TTC17: variants seen among roughly 807,000 people sequenced by gnomAD.
The protein encoded by TTC17 is tetratricopeptide repeat protein 17.
Under a neutral mutation model 143.8 loss-of-function variants are expected in TTC17, and 58 were observed. The ratio of observed to expected loss-of-function variants is 0.40; its 90% CI spans 0.33 to 0.50. The LOEUF (loss-of-function observed/expected upper bound fraction) is 0.50, where lower values mean the gene tolerates loss of function less well. Among genes scored for constraint, TTC17 ranks in the 20% least tolerant of loss-of-function variants. TTC17 has a pLI of 0.49. For missense variants in TTC17, 1,273 were observed against 1,392.5 expected (o/e 0.91, Z 1.37); for synonymous variants, 501 against 497.8 (o/e 1.01, Z -0.09).
In TTC17 at chr11:43,447,988, T is replaced by A; in HGVS notation, c.2666-14T>A. On this transcript the variant is annotated splice_polypyrimidine_tract_variant and intron_variant, in intron 18 of 23. Coordinates refer to ENST00000039989, the MANE Select transcript of TTC17 (RefSeq NM_018259.6). ...TTTGCAATTGTGTGGATTCATGGCA[T>A]ACTTTCCTTCCAGGAAAAAAACGTG... 6.2e-7 allele frequency: 1 copy of A among 1,613,218 alleles called. No individual in the cohort carries two copies.
chr11:43,415,733 ATAGAGTG>A (rs1946763674), intron 16 of TTC17, among the ~76,000 whole-genome samples: 1 of 152,192 alleles, frequency 6.6e-6, no homozygotes, highest in African/African-American at 2.4e-5. Flanking sequence ...TACAATTTTA[ATAGAGTG>A]ATAGACGGTA....
chr11:43,375,530 GA>G (rs1856730246), intron 1 of TTC17, among the ~76,000 whole-genome samples: 1 of 151,898 alleles, frequency 6.6e-6, no homozygotes, highest in African/African-American at 2.4e-5. Flanking sequence ...AACTTAAGGG[GA>G]AAAATTTTAA....
At chr11:43,396,102 A>G (rs762070990) in intron 5 of TTC17, 2 of 152,134 alleles carry the variant, frequency 1.3e-5, no homozygotes, top group African/African-American at 2.4e-5. Flanking sequence ...AATATTCAGT[A>G]AGTATTGGCT....
chr11:43,472,929 C>T (rs1448015791), intron 21 of TTC17, among the ~76,000 whole-genome samples: 1 of 151,546 alleles, frequency 6.6e-6, no homozygotes. Flanking sequence ...AATCCCAGCA[C>T]TTTGGGAGGC....
At chr11:43,471,897 G>C (rs1341274237) in intron 21 of TTC17, among the ~76,000 whole-genome samples, 4 of 152,104 alleles carry the variant, frequency 2.6e-5, no homozygotes, top group Non-Finnish European at 1.5e-5. Flanking sequence ...AAGGCAAATA[G>C]TAAAATGACA....
chr11:43,438,240 C>G (rs920225093), intron 16 of TTC17, among the ~76,000 whole-genome samples: 1 of 152,172 alleles, frequency 6.6e-6, no homozygotes, highest in Non-Finnish European at 1.5e-5. Context: ...TCACTGCAAC[C>G]TCCACTTCCC....
At chr11:43,379,444 A>C (rs931880053) in intron 2 of TTC17, 122 bp downstream of exon 2, 3 of 749,500 alleles carry the variant, frequency 4.0e-6, no homozygotes, top group Non-Finnish European at 6.5e-6. Context: ...TTTTGCGGGA[A>C]TATACTACCT....
chr11:43,474,406 A>C (rs1106640), intron 21 of TTC17, among the ~76,000 whole-genome samples: 1 of 152,236 alleles, frequency 6.6e-6, no homozygotes, highest in Non-Finnish European at 1.5e-5. Flanking sequence ...ATGGTTTTCC[A>C]TAGAGGAAAG....
At chr11:43,392,787 A>G (rs1302175940) in intron 5 of TTC17, among the ~76,000 whole-genome samples, 1 of 152,204 alleles carries the variant, frequency 6.6e-6, no homozygotes, top group Non-Finnish European at 1.5e-5. Context: ...CCTTCAGAGA[A>G]TGGTTAGTTG....
intron 21 of TTC17, among the ~76,000 whole-genome samples, chr11:43,476,116 A>G (rs1948179994): frequency 6.6e-6 from 1 of 152,206 alleles, no homozygotes; most frequent in Non-Finnish European, 1.5e-5. Context: ...TTTAGCTTCC[A>G]TTTTAGTGGA....
At chr11:43,375,572 A>G (rs1023671592) in intron 1 of TTC17, among the ~76,000 whole-genome samples, 5 of 152,148 alleles carry the variant, frequency 3.3e-5, no homozygotes, top group African/African-American at 1.2e-4. Flanking sequence ...GATTATATTC[A>G]TCAGTTTCCA....
intron 16 of TTC17, among the ~76,000 whole-genome samples, chr11:43,420,574 T>G (rs527635227): frequency 6.6e-6 from 1 of 152,332 alleles, no homozygotes; most frequent in Non-Finnish European, 1.5e-5. Context: ...CCTGTACTTT[T>G]GTAGTATTAG....
intron 18 of TTC17, among the ~76,000 whole-genome samples, chr11:43,445,060 T>C (rs2134735947): frequency 6.6e-6 from 1 of 152,298 alleles, no homozygotes; most frequent in Admixed American, 6.5e-5. Context: ...ACAACATAAA[T>C]GTTGTAATTG....
intron 10 of TTC17, among the ~76,000 whole-genome samples, chr11:43,402,936 T>C (rs976350459): frequency 1.3e-5 from 2 of 152,002 alleles, no homozygotes; most frequent in African/African-American, 4.8e-5. Flanking sequence ...TCTGGAAAAA[T>C]CCAGACTGCA....
chr11:43,370,087 A>T (rs1301885290), intron 1 of TTC17: 1 of 455,602 alleles, frequency 2.2e-6, no homozygotes, highest in East Asian at 6.9e-5. Context: ...AGTTATAGCC[A>T]GGAGCCCATG....
At chr11:43,428,903 G>A (rs1947089284) in intron 16 of TTC17, among the ~76,000 whole-genome samples, 2 of 151,946 alleles carry the variant, frequency 1.3e-5, no homozygotes, top group African/African-American at 4.8e-5. Context: ...CTTTACTATG[G>A]TCTGTTTTCT....
intron 10 of TTC17, among the ~76,000 whole-genome samples, chr11:43,403,221 C>T (rs529800969): frequency 1.6e-4 from 24 of 152,160 alleles, no homozygotes; most frequent in Non-Finnish European, 2.9e-4. Context: ...GTCTCAAGAC[C>T]GATCATTTGA....
intron 21 of TTC17, among the ~76,000 whole-genome samples, chr11:43,486,749 A>G (rs1948388798): frequency 6.6e-6 from 1 of 152,180 alleles, no homozygotes; most frequent in Non-Finnish European, 1.5e-5. Context: ...ATATAATTAT[A>G]TATTTACTTG....
intron 16 of TTC17, among the ~76,000 whole-genome samples, chr11:43,419,694 T>G (rs1946856260): frequency 6.6e-6 from 1 of 152,206 alleles, no homozygotes; most frequent in African/African-American, 2.4e-5. Context: ...ATAGTACTTT[T>G]TTTAGAGGCA....
Sources: gnomAD v4.1 joint callset for allele counts (sites outside exome capture counted in the v4.1 genomes callset) on GRCh38, gnomAD v4.1.1 for gene constraint, MANE v1.5 for transcripts, NCBI Gene and HGNC (gene_info 2026-07-23, HGNC 2026-07-21) for gene names.